Variants in ATXN1 observed in about 807,000 individuals in gnomAD.
ATXN1 encodes the protein ataxin-1.
A neutral mutation model predicts 56.4 loss-of-function variants in ATXN1; 8 were observed. The ratio of observed to expected loss-of-function variants is 0.14; its 90% confidence interval spans 0.08 to 0.26. The LOEUF (loss-of-function observed/expected upper bound fraction) is 0.26, where lower values mean the gene tolerates loss of function less well. Ranked by LOEUF, ATXN1 falls within the 10% of genes least tolerant of loss-of-function variation. The pLI is 1.00. For missense variants in ATXN1, 987 were observed against 1,106.5 expected (o/e 0.89, Z 1.53); for synonymous variants, 514 against 494.6 (o/e 1.04, Z -0.52).
At chr6:16,626,664 TC>T (rs1198138137) in intron 3 of ATXN1, among the ~76,000 whole-genome samples, 15 of 152,110 alleles carry the variant, frequency 9.9e-5, no homozygotes, top group Non-Finnish European at 1.9e-4. Context: ...CTGAATTTTT[TC>T]CCCCCACAAC....
chr6:16,688,642 A>G (rs1419445926), intron 2 of ATXN1, among the ~76,000 whole-genome samples: 2 of 152,240 alleles, frequency 1.3e-5, no homozygotes, highest in Non-Finnish European at 2.9e-5. Context: ...TGCAAACCCA[A>G]AACAGGGTAA....
chr6:16,614,735 G>C (rs981613770), intron 3 of ATXN1, among the ~76,000 whole-genome samples: 3 of 151,318 alleles, frequency 2.0e-5, no homozygotes, highest in Admixed American at 1.3e-4. Flanking sequence ...CCAGCCTGGC[G>C]AACATGGTGA....
chr6:16,403,334 G>C (rs1758619693), intron 6 of ATXN1, among the ~76,000 whole-genome samples: 1 of 152,138 alleles, frequency 6.6e-6, no homozygotes, highest in African/African-American at 2.4e-5. Flanking sequence ...TCTAAGAAGA[G>C]GAAGTTATTC....
At chr6:16,742,648 C>T (rs3806147) in intron 2 of ATXN1, among the ~76,000 whole-genome samples, 8,520 of 152,240 alleles carry the variant, frequency 0.056, 506 homozygotes, top group East Asian at 0.35. Context: ...CTGGAGAAGG[C>T]GTCCTCACCT....
intron 6 of ATXN1, among the ~76,000 whole-genome samples, chr6:16,440,648 A>AAAAAAAAAAAAAAAAAAAAAAAAAAG (rs748929817): frequency 3.4e-5 from 4 of 118,560 alleles, no homozygotes; most frequent in Non-Finnish European, 5.0e-5. Context: ...CTTAAAAAAA[A>AAAAAAAAAAAAAAAAAAAAAAAAAAG]AAAAGAAAAG....
chr6:16,689,500 CTTTTTTTTTCT>C (rs751801668), intron 2 of ATXN1, among the ~76,000 whole-genome samples: 1,655 of 131,390 alleles, frequency 0.013, 20 homozygotes, highest in Middle Eastern at 0.023. Flanking sequence ...TTTTTCCTTC[CTTTTTTTTTCT>C]TTTTTTTTTC....
chr6:16,385,273 A>C (rs9477104), intron 6 of ATXN1, among the ~76,000 whole-genome samples: 17,798 of 152,298 alleles, frequency 0.12, 1,098 homozygotes, highest in African/African-American at 0.14. Flanking sequence ...AGGGTTAGGC[A>C]GGAACATTTT....
At chr6:16,759,662 G>A (rs1000181477) in intron 1 of ATXN1, among the ~76,000 whole-genome samples, 7 of 150,232 alleles carry the variant, frequency 4.7e-5, no homozygotes, top group African/African-American at 9.8e-5. Context: ...GAGCAGCCAC[G>A]GGCTCGAACC....
At chr6:16,405,511 G>A (rs571868051) in intron 6 of ATXN1, among the ~76,000 whole-genome samples, 11 of 152,232 alleles carry the variant, frequency 7.2e-5, no homozygotes, top group Non-Finnish European at 1.3e-4. Flanking sequence ...CTCTCAGGGA[G>A]CTGGGAGCAA....
At chr6:16,422,264 C>G (rs1371322318) in intron 6 of ATXN1, among the ~76,000 whole-genome samples, 1 of 152,164 alleles carries the variant, frequency 6.6e-6, no homozygotes, top group Non-Finnish European at 1.5e-5. Context: ...TTTTTGCCAG[C>G]AGAAAGATAT....
intron 2 of ATXN1, among the ~76,000 whole-genome samples, chr6:16,706,355 G>C (rs1051083047): frequency 6.6e-6 from 1 of 152,130 alleles, no homozygotes. Context: ...CGCCCAATAC[G>C]TATGCAAGAA....
At chr6:16,486,686 C>T (rs959995942) in intron 5 of ATXN1, among the ~76,000 whole-genome samples, 14 of 151,934 alleles carry the variant, frequency 9.2e-5, no homozygotes, top group Non-Finnish European at 1.5e-4. Flanking sequence ...GGAACAGAAA[C>T]GAAGAATCTG....
At chr6:16,336,945 T>C (rs984369456) in intron 6 of ATXN1, among the ~76,000 whole-genome samples, 2 of 152,180 alleles carry the variant, frequency 1.3e-5, no homozygotes, top group Non-Finnish European at 2.9e-5. Flanking sequence ...ATTAAAAAAT[T>C]TAAATCCACC....
At chr6:16,407,196 A>T (rs1044091047) in intron 6 of ATXN1, among the ~76,000 whole-genome samples, 2 of 152,250 alleles carry the variant, frequency 1.3e-5, no homozygotes, top group East Asian at 3.8e-4. Flanking sequence ...ACTTGGCTTC[A>T]TTTTAAAAGA....
rs1364793239 is a variant in ATXN1 at position 16,327,282 on chromosome 6, G to A, written c.1029C>T (p.Gly343=). 9.9e-6 allele frequency: 16 copies of A among 1,613,164 alleles called. No homozygotes were observed. Among genetic ancestry groups the A allele is most frequent in the Non-Finnish European group, 1.3e-5 (15 of 1,179,882 alleles). Residue 343 remains glycine, a synonymous_variant, in exon 7 of 8, where the codon GGC becomes GGT. Coordinates refer to ENST00000436367, the MANE Select transcript of ATXN1 (RefSeq NM_001128164.2). ...RYGAPSSADL[G]LGKAGGKSVP... The stretch of plus-strand genomic sequence containing the variant: ...CCGACTTGCCGCCTGCCTTGCCCAG[G>A]CCCAGGTCGGCTGAGGACGGGGCCC...
intron 2 of ATXN1, among the ~76,000 whole-genome samples, chr6:16,698,469 C>A (rs1469821095): frequency 1.3e-5 from 2 of 152,160 alleles, no homozygotes; most frequent in African/African-American, 2.4e-5. Flanking sequence ...AACATCTCAA[C>A]AGCTACGGCA....
At chr6:16,400,202 C>A (rs1758539410) in intron 6 of ATXN1, among the ~76,000 whole-genome samples, 1 of 152,168 alleles carries the variant, frequency 6.6e-6, no homozygotes, top group Non-Finnish European at 1.5e-5. Flanking sequence ...TCCACTCTGC[C>A]CTCTGAATAC....
At chr6:16,730,487 G>GTATATATATATATATATATATATA (rs4052880) in intron 2 of ATXN1, among the ~76,000 whole-genome samples, 3 of 132,048 alleles carry the variant, frequency 2.3e-5, no homozygotes, top group East Asian at 2.0e-4. Context: ...AAAACAGTAT[G>GTATATATATATATATATATATATA]TATATATATA....
At chr6:16,346,939 C>A (rs1405913987) in intron 6 of ATXN1, among the ~76,000 whole-genome samples, 1 of 152,248 alleles carries the variant, frequency 6.6e-6, no homozygotes, top group Non-Finnish European at 1.5e-5. Context: ...AGCGCGCGTT[C>A]CAGGTGGCTG....
Sources: allele counts gnomAD v4.1 joint callset (sites outside exome capture counted in the v4.1 genomes callset), GRCh38; gene constraint gnomAD v4.1.1; transcripts MANE v1.5; gene names NCBI Gene and HGNC (gene_info 2026-07-23, HGNC 2026-07-21).